The following KCTD10 variants were observed in gnomAD, a reference collection of about 807,000 sequenced individuals.
The protein encoded by KCTD10 is potassium channel tetramerization domain containing 10.
A neutral mutation model predicts 34.6 loss-of-function variants in KCTD10; 13 were observed. The observed-to-expected ratio is 0.38, with a 90% confidence interval of 0.24 to 0.60. KCTD10 has a LOEUF of 0.60. KCTD10 is among the 20% of genes least tolerant of loss of function. The probability of loss-of-function intolerance (pLI) is 0.66; values close to 1 mark genes in which losing one functional copy is unlikely to be tolerated. For missense variants in KCTD10, 256 were observed against 420.3 expected (o/e 0.61, Z 3.42); for synonymous variants, 156 against 168.8 (o/e 0.92, Z 0.59).
At position 109,451,087 on chromosome 12, in the gene KCTD10, A is replaced by G. The variant is rs1010592480; in HGVS notation, c.*508T>C. The G allele has an allele frequency of 6.6e-6, 1 of 151,998 alleles. No homozygotes were observed. The highest frequency in any genetic ancestry group is 2.4e-5 in the African/African-American group (1 of 41,050). 9.4% of individuals were successfully genotyped at this position (151,998 alleles called of 1,614,324 possible). On this transcript the variant is annotated 3_prime_UTR_variant, in exon 7 of 7. Transcript: ENST00000228495. This position sits in a 1 kb window ranked among gnomAD's most constrained non-coding sequence, Gnocchi z 5.0. ...AAGCAGTGGGGATTGTGCCCGGGCC[A>G]AACACACAGGAACCAGGAGTGGACC...
rs771675959 is a variant in KCTD10, at chr12:109,477,279, C to T, written c.-17G>A. 3.7e-6 allele frequency: 6 copies of T among 1,613,838 alleles called. No homozygotes were observed. Among genetic ancestry groups the T allele is most frequent in the Non-Finnish European group, 5.1e-6 (6 of 1,179,928 alleles). ...CCCTACCATGAAAAGTCGGAGGACG[C>T]AGGAGTCTCCAAACCCGGACTGAGA... On this transcript the variant is annotated 5_prime_UTR_variant, in exon 1 of 7. Coordinates refer to ENST00000228495, the MANE Select transcript of KCTD10 (RefSeq NM_031954.5).
chr12:109,464,767 C>A (rs1258423618), intron 2 of KCTD10: 1 of 451,274 alleles, frequency 2.2e-6, no homozygotes, highest in East Asian at 7.0e-5. Context: ...AAACAAGGTA[C>A]CATATCATAC....
chr12:109,456,542 GC>G (rs1278771769), intron 5 of KCTD10: 2 of 551,528 alleles, frequency 3.6e-6, no homozygotes, highest in Admixed American at 3.0e-5. Flanking sequence ...TGGCAGACAC[GC>G]CCCCCAAAAG....
chr12:109,465,639 C>T (rs1194313570), intron 2 of KCTD10, among the ~76,000 whole-genome samples: 1 of 152,184 alleles, frequency 6.6e-6, no homozygotes, highest in Non-Finnish European at 1.5e-5. Context: ...CCCACAGGTA[C>T]AGGTCATACT....
At chr12:109,477,013 G>T (rs1232598701) in intron 1 of KCTD10, among the ~76,000 whole-genome samples, 1 of 152,008 alleles carries the variant, frequency 6.6e-6, no homozygotes, top group Non-Finnish European at 1.5e-5. Flanking sequence ...TACTCCGCAA[G>T]CCCAAATGTG....
At position 109,460,426 on chromosome 12, in the gene KCTD10, G is replaced by A; in HGVS notation, c.387+210C>T. The A allele has an allele frequency of 3.5e-6, 2 of 573,578 alleles. No homozygotes were observed. The highest frequency in any genetic ancestry group is 4.1e-5 in the South Asian group (2 of 48,226). The allele number at this position is 573,578 out of a possible 1,614,324, so 35.5% of individuals were successfully genotyped here. Reference sequence around the variant, plus strand: ...AGATCCAACAGCATGGGGCTGCAAGGAGTGACACAGTAGTTAGGTGGCCTG... The same window carrying A: ...AGATCCAACAGCATGGGGCTGCAAGAAGTGACACAGTAGTTAGGTGGCCTG... On this transcript the variant is annotated intron_variant, in intron 3 of 6. Coordinates refer to ENST00000228495, the MANE Select transcript of KCTD10 (RefSeq NM_031954.5). This position sits in a 1 kb window ranked among gnomAD's most constrained non-coding sequence, Gnocchi z 4.5.
intron 1 of KCTD10, 145 bp downstream of exon 1, chr12:109,477,114 TC>T: frequency 1.4e-6 from 1 of 731,294 alleles, no homozygotes. Context: ...CCCGGGCCTT[TC>T]CCCTAACCAA....
chr12:109,473,703 C>T (rs1874005389), intron 1 of KCTD10, among the ~76,000 whole-genome samples: 1 of 151,546 alleles, frequency 6.6e-6, no homozygotes, highest in Non-Finnish European at 1.5e-5. Flanking sequence ...ACTTAGGACA[C>T]GAGGCAGTGG....
chr12:109,460,861 C>T lies in KCTD10; in HGVS notation c.218-56G>A. The T allele has an allele frequency of 8.3e-6, 13 of 1,559,108 alleles. No individual in the cohort carries two copies. Among genetic ancestry groups the T allele is most frequent in the Non-Finnish European group, 1.1e-5 (13 of 1,137,358 alleles). ...ATGGGCCCTCCTCTTGTGGGAGGCC[C>T]TGAGCAGAGCTGGGGTGTCTCTCGG... On this transcript the variant is annotated intron_variant, in intron 2 of 6. Coordinates refer to ENST00000228495, the MANE Select transcript of KCTD10 (RefSeq NM_031954.5). The surrounding 1 kb of genome is among the most constrained non-coding windows in gnomAD (Gnocchi z 4.5).
chr12:109,451,890 G>A lies in KCTD10; in HGVS notation c.724-77C>T, dbSNP rs763136379. The stretch of plus-strand genomic sequence containing the variant: ...CAACACCTGGACTTTAAGCAGGGCC[G>A]CCAGGCTAAATCAGGCCCCTGGGAT... On this transcript the variant is annotated intron_variant, in intron 6 of 6. Transcript: ENST00000228495. The surrounding 1 kb of genome is among the most constrained non-coding windows in gnomAD (Gnocchi z 5.0). The A allele has an allele frequency of 4.5e-5, 56 of 1,251,818 alleles. No homozygotes were observed. Among genetic ancestry groups the A allele is most frequent in the Non-Finnish European group, 5.7e-5 (52 of 915,444 alleles). 77.5% of individuals were successfully genotyped at this position (1,251,818 alleles called of 1,614,324 possible). A position where few individuals can be genotyped will look rare whatever the true frequency, so the allele number is the denominator to read the frequency against.
chr12:109,477,232 C>G (rs1874427014), intron 1 of KCTD10, 28 bp downstream of exon 1: 3 of 1,613,760 alleles, frequency 1.9e-6, no homozygotes, highest in Non-Finnish European at 2.5e-6. Context: ...GCCCTCAACC[C>G]CTAGTCCATG....
At chr12:109,459,548 G>A (rs1873205733) in intron 3 of KCTD10, 1 of 152,224 alleles carries the variant, frequency 6.6e-6, no homozygotes, top group South Asian at 2.1e-4. Flanking sequence ...TACACTCTGT[G>A]GCTTAACTGT....
rs146860436 is a variant in KCTD10 at position 109,469,477 on chromosome 12, C to T, written c.217+38G>A. On this transcript the variant is annotated intron_variant, in intron 2 of 6. Transcript: ENST00000228495. ...AGGGAAGCCCTCCTTGACCACATAA[C>T]GCATGGCCAGAGGCAGGCACATGGT... 4.7e-4 allele frequency: 754 copies of T among 1,606,182 alleles called. 5 individuals carry two copies. In the African/African-American group the frequency reaches 8.7e-3, roughly 19 times the overall value.
rs190310926 is a variant in KCTD10 at position 109,469,077 on chromosome 12, C to T, written c.217+438G>A. 318 of 207,586 alleles carry T rather than the reference C, an allele frequency of 1.5e-3. 1 individual carries two copies. The highest frequency in any genetic ancestry group is 6.9e-3 in the African/African-American group (298 of 43,328). 12.9% of individuals were successfully genotyped at this position (207,586 alleles called of 1,614,324 possible). On this transcript the variant is annotated intron_variant, in intron 2 of 6. Transcript: ENST00000228495. Reference sequence around the variant, plus strand: ...ACATGCACTGAATACTGACTATGTGCCGATGGCCCCACGGGGGAGGGTATT... The same window carrying T: ...ACATGCACTGAATACTGACTATGTGTCGATGGCCCCACGGGGGAGGGTATT...
intron 1 of KCTD10, among the ~76,000 whole-genome samples, chr12:109,474,104 G>A (rs1381495513): frequency 1.3e-5 from 2 of 151,722 alleles, no homozygotes; most frequent in African/African-American, 2.4e-5. Context: ...TAGTACAGAC[G>A]GGATTTCTCC....
Position 109,451,688 on chromosome 12 carries a change from G to A in KCTD10, c.849C>T (p.His283=). ...EATGGAAGRS[H]HLDEDEERER... ...CCCGCTCCTCGTCCTCGTCCAGGTG[G>A]TGGGAGCGCCCCGCCGCCCCGCCTG... The change falls in exon 7 of 7, where the codon CAC becomes CAT. Residue 283 remains histidine (H), a synonymous_variant. Coordinates refer to ENST00000228495, the MANE Select transcript of KCTD10 (RefSeq NM_031954.5). This position sits in a 1 kb window ranked among gnomAD's most constrained non-coding sequence, Gnocchi z 5.0. The A allele has an allele frequency of 6.2e-7, 1 of 1,613,852 alleles. No individual in the cohort carries two copies.
At position 109,475,143 on chromosome 12, in the gene KCTD10, A is replaced by T. The variant is rs530525923; in HGVS notation, c.3+2117T>A. On this transcript the variant is annotated intron_variant, in intron 1 of 6. Transcript: ENST00000228495. Reference sequence around the variant, plus strand: ...TCAAACATTGGGATCAGTGGTTCCCAACCCTGGCTACTAGAATCACCTGCG... The same window carrying T: ...TCAAACATTGGGATCAGTGGTTCCCTACCCTGGCTACTAGAATCACCTGCG... 6.6e-5 allele frequency among the ~76,000 whole-genome samples: 10 copies of T among 152,278 alleles called. No homozygotes were observed. The East Asian group carries it at 1.9e-3, about 29-fold the overall frequency.
In KCTD10 at chr12:109,460,003, T is replaced by A. The variant is rs1311014617; in HGVS notation, c.387+633A>T. On this transcript the variant is annotated intron_variant, in intron 3 of 6. Coordinates refer to ENST00000228495, the MANE Select transcript of KCTD10 (RefSeq NM_031954.5). The surrounding 1 kb of genome is among the most constrained non-coding windows in gnomAD (Gnocchi z 4.5). Reference sequence around the variant, plus strand: ...GTTCAGACTCTCAGAGTAGAGGTGGTGTGCAGCATTATGGGTACTGGTCCG... The same window carrying A: ...GTTCAGACTCTCAGAGTAGAGGTGGAGTGCAGCATTATGGGTACTGGTCCG... Among the ~76,000 whole-genome samples the A allele has an allele frequency of 1.3e-5, 2 of 152,234 alleles. No individual in the cohort carries two copies. Among genetic ancestry groups the A allele is most frequent in the Admixed American group, 1.3e-4 (2 of 15,282 alleles).
Position 109,477,285 on chromosome 12 carries a change from T to G in KCTD10, c.-23A>C. The G allele has an allele frequency of 6.2e-7, 1 of 1,613,130 alleles. No homozygotes were observed. On this transcript the variant is annotated 5_prime_UTR_variant, in exon 1 of 7. Transcript: ENST00000228495. The stretch of plus-strand genomic sequence containing the variant: ...CATGAAAAGTCGGAGGACGCAGGAG[T>G]CTCCAAACCCGGACTGAGAGAGGCA...
Sources: gnomAD v4.1 joint callset for allele counts (sites outside exome capture counted in the v4.1 genomes callset) on GRCh38, gnomAD v4.1.1 for gene constraint, Gnocchi (gnomAD v3.1) non-coding constraint, MANE v1.5 for transcripts, NCBI Gene and HGNC (gene_info 2026-07-23, HGNC 2026-07-21) for gene names.